The following MARCHF11 variants were observed in gnomAD, a reference collection of about 807,000 sequenced individuals.
MARCHF11 encodes the protein E3 ubiquitin-protein ligase MARCHF11.
In MARCHF11, 29 loss-of-function variants were observed where a neutral mutation model predicts 37.3. The ratio of observed to expected loss-of-function variants is 0.78; its 90% CI spans 0.58 to 1.06. The LOEUF is 1.06. Ranked by LOEUF, MARCHF11 falls within the 50% of genes least tolerant of loss-of-function variation. The probability of loss-of-function intolerance (pLI) is 0.00; values close to 1 mark genes in which losing one functional copy is unlikely to be tolerated. For synonymous variants in MARCHF11, 233 were observed against 228.0 expected (o/e 1.02, Z -0.20); for missense variants, 482 against 533.4 (o/e 0.90, Z 0.95).
chr5:16,122,514 C>G (rs1269364398), intron 2 of MARCHF11, among the ~76,000 whole-genome samples: 1 of 152,194 alleles, frequency 6.6e-6, no homozygotes, highest in African/African-American at 2.4e-5. Context: ...CAAATGTTAA[C>G]AGTGTACAAT....
chr5:16,116,040 C>G (rs1367716819), intron 2 of MARCHF11, among the ~76,000 whole-genome samples: 1 of 152,036 alleles, frequency 6.6e-6, no homozygotes, highest in Admixed American at 6.6e-5. Flanking sequence ...AGATGGCAAA[C>G]GTTTAGTGGC....
At position 16,067,575 on chromosome 5, in the gene MARCHF11, A is replaced by G; in HGVS notation, c.1105T>C (p.Cys369Arg). 2 of 1,613,984 alleles carry G rather than the reference A, an allele frequency of 1.2e-6. No homozygotes were observed. Among genetic ancestry groups the G allele is most frequent in the Non-Finnish European group, 1.7e-6 (2 of 1,179,858 alleles). ...AACAGGTGCAATAACACATAGCCAC[A>G]CTGAAACCTTGGTGAGGTTAACTGA... ...PTQLTSPRFQ[C>R]GYVLLHLFNR... Residue 369 changes from cysteine to arginine, a missense_variant, in exon 4 of 4, where the codon TGT becomes CGT. Coordinates refer to ENST00000332432, the MANE Select transcript of MARCHF11 (RefSeq NM_001102562.3).
At chr5:16,082,534 T>C (rs1736629288) in intron 3 of MARCHF11, among the ~76,000 whole-genome samples, 1 of 152,164 alleles carries the variant, frequency 6.6e-6, no homozygotes, top group Non-Finnish European at 1.5e-5. Flanking sequence ...GAGAAGAATG[T>C]TCCTGTCCTT....
At chr5:16,086,744 C>G (rs1736704745) in intron 3 of MARCHF11, among the ~76,000 whole-genome samples, 1 of 152,158 alleles carries the variant, frequency 6.6e-6, no homozygotes, top group Non-Finnish European at 1.5e-5. Context: ...TCAAATAAAT[C>G]CTGTCATCAC....
chr5:16,177,679 A>G (rs376563738), intron 2 of MARCHF11, 47 bp downstream of exon 2: 20 of 1,528,832 alleles, frequency 1.3e-5, no homozygotes, highest in Non-Finnish European at 2.7e-6. Context: ...AAGTGCATTC[A>G]TGTTAACAAA....
chr5:16,102,250 A>C (rs1288930751), intron 2 of MARCHF11, among the ~76,000 whole-genome samples: 4 of 152,146 alleles, frequency 2.6e-5, no homozygotes, highest in Non-Finnish European at 5.9e-5. Context: ...TACTACATGG[A>C]ACTGGGCTTT....
chr5:16,075,345 C>T (rs1371593510), intron 3 of MARCHF11, among the ~76,000 whole-genome samples: 1 of 152,224 alleles, frequency 6.6e-6, no homozygotes, highest in East Asian at 1.9e-4. Context: ...TCCAGATTCT[C>T]TCACAATTTC....
At chr5:16,147,758 C>CA (rs1220658837) in intron 2 of MARCHF11, among the ~76,000 whole-genome samples, 2 of 152,140 alleles carry the variant, frequency 1.3e-5, no homozygotes, top group Non-Finnish European at 2.9e-5. Context: ...TACTGTATAG[C>CA]ATACGTAGCA....
rs913939062 is a variant in MARCHF11, at chr5:16,115,427, A to C, written c.694-24346T>G. ...ATGAGAAAAGAATGAACTCATCAAT[A>C]AATTTGAATCAAGAGTCCTGGAAGG... On this transcript the variant is annotated intron_variant, in intron 2 of 3. Coordinates refer to ENST00000332432, the MANE Select transcript of MARCHF11 (RefSeq NM_001102562.3). Among the ~76,000 whole-genome samples, 6 of 152,226 alleles carry C rather than the reference A, an allele frequency of 3.9e-5. No individual in the cohort carries two copies. The East Asian group carries it at 1.2e-3, about 29-fold the overall frequency.
chr5:16,097,442 G>A (rs987661098), intron 2 of MARCHF11, among the ~76,000 whole-genome samples: 1 of 152,090 alleles, frequency 6.6e-6, no homozygotes, highest in Non-Finnish European at 1.5e-5. Flanking sequence ...AAACAACCTA[G>A]AGAAAATCAT....
chr5:16,134,809 T>A (rs945145101), intron 2 of MARCHF11, among the ~76,000 whole-genome samples: 5 of 152,088 alleles, frequency 3.3e-5, no homozygotes, highest in Admixed American at 6.6e-5. Context: ...TAAAGAATAT[T>A]TACCAACATG....
intron 2 of MARCHF11, among the ~76,000 whole-genome samples, chr5:16,119,917 C>A (rs576208233): frequency 2.0e-5 from 3 of 152,270 alleles, no homozygotes; most frequent in African/African-American, 7.2e-5. Context: ...ACTAAATAAC[C>A]CTTCACAAAC....
chr5:16,140,076 G>A (rs1472432243), intron 2 of MARCHF11, among the ~76,000 whole-genome samples: 3 of 152,054 alleles, frequency 2.0e-5, no homozygotes, highest in African/African-American at 4.8e-5. Flanking sequence ...TGTCAAAAAT[G>A]AAATCAAAAC....
At chr5:16,134,853 A>C (rs1338440373) in intron 2 of MARCHF11, among the ~76,000 whole-genome samples, 1 of 152,210 alleles carries the variant, frequency 6.6e-6, no homozygotes, top group African/African-American at 2.4e-5. Flanking sequence ...ACTTGATAAA[A>C]AATTTAGGTA....
At chr5:16,145,241 T>C (rs1004662378) in intron 2 of MARCHF11, among the ~76,000 whole-genome samples, 5 of 152,178 alleles carry the variant, frequency 3.3e-5, no homozygotes, top group Admixed American at 2.6e-4. Context: ...CCAAAATTCA[T>C]GTGTTAGAAA....
chr5:16,161,850 C>G (rs1738083335), intron 2 of MARCHF11, among the ~76,000 whole-genome samples: 1 of 151,950 alleles, frequency 6.6e-6, no homozygotes. Context: ...ATTCATTCTC[C>G]AAATAGCCAG....
chr5:16,098,594 C>A (rs1382710350), intron 2 of MARCHF11, among the ~76,000 whole-genome samples: 1 of 151,692 alleles, frequency 6.6e-6, no homozygotes, highest in Non-Finnish European at 1.5e-5. Context: ...ATGGTGAAAC[C>A]CTGTCTCTAC....
chr5:16,113,525 T>C (rs1737182438), intron 2 of MARCHF11, among the ~76,000 whole-genome samples: 1 of 152,148 alleles, frequency 6.6e-6, no homozygotes. Context: ...CATGCATACA[T>C]GGCAAAAACC....
intron 2 of MARCHF11, among the ~76,000 whole-genome samples, chr5:16,103,101 T>C (rs1211720829): frequency 1.4e-5 from 2 of 144,572 alleles, no homozygotes; most frequent in Admixed American, 7.3e-5. Context: ...ATGAGATCAC[T>C]GCCCAGGCAG....
Sources: gnomAD v4.1 joint callset for allele counts (sites outside exome capture counted in the v4.1 genomes callset) on GRCh38, gnomAD v4.1.1 for gene constraint, MANE v1.5 for transcripts, NCBI Gene and HGNC (gene_info 2026-07-23, HGNC 2026-07-21) for gene names.